The following ANKS6 variants were observed in gnomAD, a reference collection of about 807,000 sequenced individuals.
ANKS6 encodes ankyrin repeat and SAM domain-containing protein 6.
In ANKS6, 47 loss-of-function variants were observed where a neutral mutation model predicts 77.9. The ratio of observed to expected loss-of-function variants is 0.60; its 90% CI spans 0.48 to 0.77. ANKS6 has a LOEUF of 0.77. Ranked by LOEUF, ANKS6 falls within the 30% of genes least tolerant of loss-of-function variation. The pLI is 0.00. For synonymous variants in ANKS6, 488 were observed against 501.7 expected, an observed-to-expected ratio of 0.97 and a Z score of 0.37; for missense variants, 1,150 against 1,159.1, an observed-to-expected ratio of 0.99 and a Z score of 0.11.
rs752192740 is a variant in ANKS6 at position 98,733,967 on chromosome 9, C to T, written c.*2552G>A. The stretch of plus-strand genomic sequence containing the variant: ...AACAGCCACAGGCAGGCTGGGGACA[C>T]GTGTGGGAAGGGAAGGGGGTGATCA... On this transcript the variant is annotated 3_prime_UTR_variant, in exon 15 of 15. Transcript: ENST00000353234. 155 of 985,174 alleles carry T rather than the reference C, an allele frequency of 1.6e-4. No homozygotes were observed. The highest frequency in any genetic ancestry group is 1.7e-4 in the Non-Finnish European group (144 of 829,944). The allele number at this position is 985,174 out of a possible 1,614,324, so 61.0% of individuals were successfully genotyped here.
At chr9:98,783,418 C>T (rs1414181458) in intron 4 of ANKS6, among the ~76,000 whole-genome samples, 1 of 152,114 alleles carries the variant, frequency 6.6e-6, no homozygotes, top group Non-Finnish European at 1.5e-5. Context: ...AGATGCCCAC[C>T]CCAAAGACGA....
rs1301654768 is a variant in ANKS6, at chr9:98,770,769, T to C, written c.1972+127A>G. On this transcript the variant is annotated intron_variant, in intron 10 of 14. Coordinates refer to ENST00000353234, the MANE Select transcript of ANKS6 (RefSeq NM_173551.5). Reference sequence around the variant, plus strand: ...TTCACTGAAAAATCTCTTAGCCACATTAAGGAGAAAGTGCCTCTTGCGTGG... The same window carrying C: ...TTCACTGAAAAATCTCTTAGCCACACTAAGGAGAAAGTGCCTCTTGCGTGG... 3.9e-6 allele frequency: 4 copies of C among 1,019,230 alleles called. No individual in the cohort carries two copies. In the African/African-American group the frequency reaches 6.7e-5, roughly 17 times the overall value. 63.1% of individuals were successfully genotyped at this position (1,019,230 alleles called of 1,614,324 possible).
At position 98,734,498 on chromosome 9, in the gene ANKS6, G is replaced by T. The variant is rs992439181; in HGVS notation, c.*2021C>A. 1 of 985,288 alleles carries T rather than the reference G, an allele frequency of 1.0e-6. No individual in the cohort carries two copies. The highest frequency in any genetic ancestry group is 1.2e-6 in the Non-Finnish European group (1 of 829,938). The allele number at this position is 985,288 out of a possible 1,614,324, so 61.0% of individuals were successfully genotyped here. A position where few individuals can be genotyped will look rare whatever the true frequency, so the allele number is the denominator to read the frequency against. ...TGAATTTCAGAGGCAAACAATTCTA[G>T]GCCTACTGTTAACCCCTGAAGCCAT... On this transcript the variant is annotated 3_prime_UTR_variant, in exon 15 of 15. Transcript: ENST00000353234.
intron 9 of ANKS6, 141 bp from the exon 10 acceptor site, chr9:98,771,187 C>T: frequency 9.8e-7 from 1 of 1,024,144 alleles, no homozygotes; most frequent in Admixed American, 4.2e-5. Flanking sequence ...CTGCCAGGGC[C>T]CAGCTGGGGA....
At chr9:98,779,710 C>T (rs1479512995) in intron 6 of ANKS6, among the ~76,000 whole-genome samples, 1 of 152,020 alleles carries the variant, frequency 6.6e-6, no homozygotes, top group Non-Finnish European at 1.5e-5. Context: ...GTCGCCCAGG[C>T]TGGAGTGCAG....
chr9:98,755,257 C>T (rs1026663954), intron 12 of ANKS6, among the ~76,000 whole-genome samples: 4 of 152,146 alleles, frequency 2.6e-5, no homozygotes, highest in Non-Finnish European at 5.9e-5. Flanking sequence ...GCGAACTGCC[C>T]GCAAACGCAT....
chr9:98,791,074 G>A lies in ANKS6; in HGVS notation c.360-468C>T, dbSNP rs975680715. Among the ~76,000 whole-genome samples, 1 of 152,198 alleles carries A rather than the reference G, an allele frequency of 6.6e-6. No individual in the cohort carries two copies. The highest frequency in any genetic ancestry group is 2.4e-5 in the African/African-American group (1 of 41,446). ...CCCGGCTGGTAAGGGGTGGCATCAG[G>A]GTCAGGACAGGTCTGTGTGAATGCC... is the stretch of plus-strand genomic sequence containing the variant. On this transcript the variant is annotated intron_variant, in intron 1 of 14. Coordinates refer to ENST00000353234, the MANE Select transcript of ANKS6 (RefSeq NM_173551.5). The surrounding 1 kb of genome is among the most constrained non-coding windows in gnomAD (Gnocchi z 4.3).
rs1831341178 is a variant in ANKS6, at chr9:98,733,889, T to C, written c.*2630A>G. 1 of 985,376 alleles carries C rather than the reference T, an allele frequency of 1.0e-6. No homozygotes were observed. The highest frequency in any genetic ancestry group is 1.2e-6 in the Non-Finnish European group (1 of 829,954). 61.0% of individuals were successfully genotyped at this position (985,376 alleles called of 1,614,324 possible). On this transcript the variant is annotated 3_prime_UTR_variant, in exon 15 of 15. Transcript: ENST00000353234. ...AACTAGGGTTCCCAGGAGCATACTTTTGGGAAATGCTGGTGAAGGTTGCCA... is the reference window on the plus strand; with the variant it reads ...AACTAGGGTTCCCAGGAGCATACTTCTGGGAAATGCTGGTGAAGGTTGCCA...
At chr9:98,741,512 T>C (rs1366360013) in intron 14 of ANKS6, among the ~76,000 whole-genome samples, 3 of 152,232 alleles carry the variant, frequency 2.0e-5, no homozygotes, top group Non-Finnish European at 4.4e-5. Flanking sequence ...AGTGATTGGA[T>C]TGTGATTTCT....
rs139957687 is a variant in ANKS6 at position 98,764,057 on chromosome 9, A to G, written c.2142+4024T>C. On this transcript the variant is annotated intron_variant, in intron 11 of 14. Transcript: ENST00000353234. ...TTATCAAACATCTAAGGAAAAGGTA[A>G]TAAGAATTCTACACAGTATCTTCTA... 3.2e-3 allele frequency among the ~76,000 whole-genome samples: 480 copies of G among 152,284 alleles called. 3 individuals carry two copies. The highest frequency in any genetic ancestry group is 0.011 in the African/African-American group (465 of 41,578).
At chr9:98,750,202 T>G (rs867072513) in intron 13 of ANKS6, among the ~76,000 whole-genome samples, 2 of 152,206 alleles carry the variant, frequency 1.3e-5, no homozygotes, top group African/African-American at 4.8e-5. Flanking sequence ...CCCAACTCTC[T>G]GGCAACCACG....
intron 12 of ANKS6, 129 bp downstream of exon 12, chr9:98,756,291 G>T: frequency 1.0e-6 from 1 of 999,898 alleles, no homozygotes; most frequent in Non-Finnish European, 1.4e-6. Context: ...GGAGGGACAT[G>T]TTTGTCGTAA....
intron 13 of ANKS6, among the ~76,000 whole-genome samples, chr9:98,746,288 C>G (rs1832126420): frequency 1.3e-5 from 2 of 152,186 alleles, no homozygotes; most frequent in South Asian, 2.1e-4. Flanking sequence ...GGCTCCTGTT[C>G]CTCTTCAGCA....
At chr9:98,743,840 C>T (rs1831973236) in intron 14 of ANKS6, among the ~76,000 whole-genome samples, 1 of 152,206 alleles carries the variant, frequency 6.6e-6, no homozygotes, top group Non-Finnish European at 1.5e-5. Context: ...GACATAAAGG[C>T]TCTTCTTCAT....
intron 14 of ANKS6, among the ~76,000 whole-genome samples, chr9:98,741,253 A>C (rs545945975): frequency 5.9e-5 from 9 of 152,380 alleles, no homozygotes; most frequent in African/African-American, 2.2e-4. Context: ...CATATTAAAG[A>C]AAGCAGGATA....
chr9:98,738,475 A>G (rs1831622956), intron 14 of ANKS6, among the ~76,000 whole-genome samples: 1 of 152,210 alleles, frequency 6.6e-6, no homozygotes, highest in Admixed American at 6.5e-5. Flanking sequence ...GCCAGCAAAC[A>G]TATGAAAAAA....
At chr9:98,767,940 C>T in intron 11 of ANKS6, 141 bp downstream of exon 11, 1 of 1,199,022 alleles carries the variant, frequency 8.3e-7, no homozygotes, top group Non-Finnish European at 1.1e-6. Flanking sequence ...CCTTCTCATG[C>T]AGCCCAGGAG....
chr9:98,772,310 G>A (rs1318700064), intron 9 of ANKS6, among the ~76,000 whole-genome samples: 1 of 152,216 alleles, frequency 6.6e-6, no homozygotes, highest in Non-Finnish European at 1.5e-5. Context: ...GCCGAGACTG[G>A]AGTGATGCAG....
rs769233499 is a variant in ANKS6 at position 98,782,505 on chromosome 9, T to C, written c.1181A>G (p.Tyr394Cys). The C allele has an allele frequency of 6.2e-7, 1 of 1,614,182 alleles. No homozygotes were observed. The highest frequency in any genetic ancestry group is 1.1e-5 in the South Asian group (1 of 91,082). The change falls in exon 5 of 15, where the codon TAC becomes TGC. Residue 394 changes from tyrosine to cysteine, a missense_variant. Tyr to Cys is a radical substitution (Grantham distance 194). Transcript: ENST00000353234. ...CAGCATCACCAGGTCAAAGGCCGTG[T>C]ATCCATTTTTTGCACGAAGAGTGAC... ...ADVTLRAKNG[Y>C]TAFDLVMLLN...
Sources: gnomAD v4.1 joint callset for allele counts (sites outside exome capture counted in the v4.1 genomes callset) on GRCh38, gnomAD v4.1.1 for gene constraint, Gnocchi (gnomAD v3.1) non-coding constraint, MANE v1.5 for transcripts, NCBI Gene and HGNC (gene_info 2026-07-23, HGNC 2026-07-21) for gene names.